Variants in DPH6 observed in about 807,000 individuals in gnomAD.
DPH6 encodes diphthamine biosynthesis 6, also known as diphthine--ammonia ligase.
DPH6 carries 33 observed loss-of-function variants against 38.2 expected under a neutral mutation model. That is an observed-to-expected ratio of 0.86 (90% CI 0.65 to 1.15). The LOEUF is 1.15. DPH6 is among the 50% of genes most tolerant of loss of function. DPH6 has a pLI of 0.00. For synonymous variants in DPH6, 108 were observed against 103.0 expected (o/e 1.05, Z -0.30); for missense variants, 325 against 320.0 (o/e 1.02, Z -0.12).
intron 3 of DPH6, among the ~76,000 whole-genome samples, chr15:35,458,228 C>T (rs1205040314): frequency 1.3e-5 from 2 of 152,100 alleles, no homozygotes; most frequent in African/African-American, 2.4e-5. Flanking sequence ...GAGGGCTGAC[C>T]GTACTGCTAC....
intron 3 of DPH6, among the ~76,000 whole-genome samples, chr15:35,473,533 CTG>C (rs1326518863): frequency 1.3e-5 from 2 of 152,070 alleles, no homozygotes; most frequent in African/African-American, 2.4e-5. Context: ...AAAAATCAGA[CTG>C]TCTTTTTCAC....
chr15:35,493,456 C>A (rs910180802), intron 3 of DPH6, among the ~76,000 whole-genome samples: 4 of 151,918 alleles, frequency 2.6e-5, no homozygotes, highest in African/African-American at 9.7e-5. Flanking sequence ...TTAAAATGAG[C>A]AGAAAAAGCT....
chr15:35,153,672 A>G, the DPH6 span, among the ~76,000 whole-genome samples: 1 of 152,190 alleles, frequency 6.6e-6, no homozygotes, highest in East Asian at 1.9e-4. Flanking sequence ...TGTAAAAGAA[A>G]GGGACAAAAA....
intron 3 of DPH6, among the ~76,000 whole-genome samples, chr15:35,250,327 G>T (rs1236290128): frequency 6.6e-6 from 1 of 152,162 alleles, no homozygotes; most frequent in East Asian, 1.9e-4. Context: ...TCCCACAACA[G>T]AGAAGAGAGG....
intron 3 of DPH6, among the ~76,000 whole-genome samples, chr15:35,277,035 C>A (rs1009834411): frequency 3.9e-5 from 6 of 152,124 alleles, no homozygotes; most frequent in Non-Finnish European, 4.4e-5. Flanking sequence ...GCCATTTTCA[C>A]AATATTGATT....
At chr15:35,329,100 G>A (rs2052307894), downstream of DPH6, among the ~76,000 whole-genome samples, 1 of 152,192 alleles carries the variant, frequency 6.6e-6, no homozygotes, top group African/African-American at 2.4e-5. Flanking sequence ...TGAGATTTGG[G>A]TGGAGACACA....
rs113249427 is a variant in DPH6, at chr15:35,350,065, G to A, written n.208-18988C>T. 3.4e-3 allele frequency among the ~76,000 whole-genome samples: 514 copies of A among 152,294 alleles called. 2 individuals are homozygous for A. Among genetic ancestry groups the A allele is most frequent in the African/African-American group, 0.011 (475 of 41,554 alleles). The stretch of plus-strand genomic sequence containing the variant: ...ATGGCTGCAAGAATTCTTCAGTGAA[G>A]TCACTGGTCCTAAGCTTTTCCTTGT... On this transcript the variant is annotated intron_variant and non_coding_transcript_variant, in intron 3 of 3. Transcript: ENST00000558973.
chr15:35,436,499 C>CAAACAAAAAAA (rs1555401704), intron 5 of DPH6, among the ~76,000 whole-genome samples: 3 of 21,920 alleles, frequency 1.4e-4, no homozygotes, highest in African/African-American at 2.4e-4. Context: ...CAAAACAAAA[C>CAAACAAAAAAA]AAAACAAAAC....
chr15:35,462,042 C>G (rs1298251271), intron 3 of DPH6, among the ~76,000 whole-genome samples: 6 of 152,112 alleles, frequency 3.9e-5, no homozygotes, highest in Non-Finnish European at 8.8e-5. Flanking sequence ...GTTATTCAGG[C>G]CAAAAACTTT....
the DPH6 span, among the ~76,000 whole-genome samples, chr15:35,186,847 A>G: frequency 6.6e-6 from 1 of 152,198 alleles, no homozygotes; most frequent in African/African-American, 2.4e-5. Flanking sequence ...GAAATGCAAA[A>G]TGGTGCAGCC....
At chr15:35,423,769 T>G (rs1461582470) in intron 5 of DPH6, among the ~76,000 whole-genome samples, 1 of 151,544 alleles carries the variant, frequency 6.6e-6, no homozygotes, top group African/African-American at 2.4e-5. Context: ...GAGATAAGGG[T>G]CCACTTCTTC....
chr15:35,497,207 T>G (rs976050431), intron 3 of DPH6, among the ~76,000 whole-genome samples: 2 of 152,190 alleles, frequency 1.3e-5, no homozygotes, highest in African/African-American at 4.8e-5. Context: ...AGTGCATCTC[T>G]TTTTGCTCCC....
chr15:35,170,708 A>C, the DPH6 span, among the ~76,000 whole-genome samples: 1 of 152,194 alleles, frequency 6.6e-6, no homozygotes, highest in Non-Finnish European at 1.5e-5. Flanking sequence ...TAAACTCTGC[A>C]ATCACTCATA....
At chr15:35,454,654 C>G (rs898286510) in intron 4 of DPH6, 93 bp downstream of exon 4, 3 of 1,059,442 alleles carry the variant, frequency 2.8e-6, no homozygotes, top group Non-Finnish European at 4.2e-6. Flanking sequence ...ACTACCATAC[C>G]TATTTATAAT....
intron 5 of DPH6, among the ~76,000 whole-genome samples, chr15:35,428,642 T>A (rs1311440724): frequency 6.6e-6 from 1 of 152,132 alleles, no homozygotes; most frequent in African/African-American, 2.4e-5. Context: ...TTTCACTGTA[T>A]AACTTCCACT....
intron 3 of DPH6, among the ~76,000 whole-genome samples, chr15:35,465,312 C>T (rs531570584): frequency 3.7e-4 from 57 of 152,248 alleles, no homozygotes; most frequent in African/African-American, 1.2e-3. Flanking sequence ...ATTTTTAATA[C>T]GAACCATTCA....
At chr15:35,231,174 T>A (rs996008682) in intron 3 of DPH6, among the ~76,000 whole-genome samples, 4 of 152,250 alleles carry the variant, frequency 2.6e-5, no homozygotes, top group African/African-American at 9.6e-5. Context: ...CTTGCAGGAA[T>A]TGGAGTTCCC....
intron 3 of DPH6, among the ~76,000 whole-genome samples, chr15:35,268,115 A>T (rs927660707): frequency 6.6e-6 from 1 of 151,922 alleles, no homozygotes; most frequent in South Asian, 2.1e-4. Context: ...GCTTGCAGTG[A>T]GCCGAGATTG....
chr15:35,252,776 G>C, intron 3 of DPH6, among the ~76,000 whole-genome samples: 1 of 152,186 alleles, frequency 6.6e-6, no homozygotes, highest in East Asian at 1.9e-4. Context: ...CTGATTTATA[G>C]ATATTTTGGT....
Sources: gnomAD v4.1 joint callset for allele counts (sites outside exome capture counted in the v4.1 genomes callset) on GRCh38, gnomAD v4.1.1 for gene constraint, MANE v1.5 for transcripts, NCBI Gene and HGNC (gene_info 2026-07-23, HGNC 2026-07-21) for gene names.